CABIN1: variants seen among roughly 807,000 people sequenced by gnomAD.
CABIN1 encodes calcineurin-binding protein cabin-1.
Under a neutral mutation model 227.7 loss-of-function variants are expected in CABIN1, and 133 were observed. The observed-to-expected ratio is 0.58, with a 90% CI of 0.51 to 0.67. CABIN1 has a LOEUF of 0.67. CABIN1 is among the 30% of genes least tolerant of loss of function. The pLI is 0.00. For synonymous variants in CABIN1, 1,086 were observed against 1,155.1 expected (o/e 0.94, Z 1.21); for missense variants, 2,408 against 2,852.5 (o/e 0.84, Z 3.55).
chr22:24,117,886 T>C (rs2043179701), intron 27 of CABIN1, among the ~76,000 whole-genome samples: 1 of 152,234 alleles, frequency 6.6e-6, no homozygotes, highest in South Asian at 2.1e-4. Context: ...GTGAGCCACA[T>C]TTTGAACACA....
chr22:24,020,189 A>AT (rs1377943914), intron 1 of CABIN1, among the ~76,000 whole-genome samples: 1 of 152,104 alleles, frequency 6.6e-6, no homozygotes, highest in African/African-American at 2.4e-5. Context: ...TTTCCTGAGT[A>AT]TTTTTTATTA....
intron 24 of CABIN1, chr22:24,092,133 C>T (rs184785047): frequency 4.5e-4 from 216 of 484,358 alleles, no homozygotes; most frequent in Non-Finnish European, 7.2e-4. Flanking sequence ...TGATGACAGT[C>T]AGTGCTACAT....
intron 29 of CABIN1, among the ~76,000 whole-genome samples, chr22:24,147,467 A>C: frequency 7.2e-6 from 1 of 139,546 alleles, no homozygotes; most frequent in Non-Finnish European, 1.5e-5. Flanking sequence ...TTTTTTTGAG[A>C]CAGGGCTTCA....
At chr22:24,057,972 CT>C (rs1216012852) in intron 10 of CABIN1, among the ~76,000 whole-genome samples, 2 of 152,174 alleles carry the variant, frequency 1.3e-5, no homozygotes, top group African/African-American at 4.8e-5. Context: ...ATGGTTTCGA[CT>C]TTCTTTTTAA....
At chr22:24,173,530 G>C (rs2046947296) in intron 34 of CABIN1, 2 of 152,226 alleles carry the variant, frequency 1.3e-5, no homozygotes, top group Admixed American at 6.5e-5. Context: ...TCAGGACAAA[G>C]AGCCGTAAAA....
At position 24,176,280 on chromosome 22, in the gene CABIN1, G is replaced by A; in HGVS notation, c.6205+5G>A. 2.5e-6 allele frequency: 4 copies of A among 1,594,980 alleles called. No individual in the cohort carries two copies. The highest frequency in any genetic ancestry group is 3.4e-6 in the Non-Finnish European group (4 of 1,173,490). ...CTGAGCCCACCTGCAGCCAGGGTAA[G>A]GCGAGTTGGGAGCAGCCCAGCACCA... On this transcript the variant is annotated splice_donor_5th_base_variant and intron_variant, in intron 35 of 36. Coordinates refer to ENST00000263119, the MANE Select transcript of CABIN1 (RefSeq NM_012295.4).
chr22:24,055,851 C>T (rs886069820), intron 9 of CABIN1, among the ~76,000 whole-genome samples: 2 of 152,166 alleles, frequency 1.3e-5, no homozygotes, highest in African/African-American at 4.8e-5. Flanking sequence ...GGGTCATAGC[C>T]ACTCACTCTG....
At chr22:24,176,913 A>G (rs2148836014) in intron 35 of CABIN1, among the ~76,000 whole-genome samples, 1 of 152,328 alleles carries the variant, frequency 6.6e-6, no homozygotes, top group South Asian at 2.1e-4. Flanking sequence ...TTTTAAAGCC[A>G]TGGGGCTGCA....
At chr22:24,167,404 GC>G (rs2046516571) in intron 32 of CABIN1, 91 bp downstream of exon 32, 1 of 1,293,154 alleles carries the variant, frequency 7.7e-7, no homozygotes, top group Non-Finnish European at 1.1e-6. Flanking sequence ...TCCCAGGCCT[GC>G]CCTTGGGGCG....
intron 1 of CABIN1, among the ~76,000 whole-genome samples, chr22:24,027,520 T>G (rs146579322): frequency 0.01 from 1,540 of 152,364 alleles, 66 homozygotes; most frequent in Admixed American, 0.065. Flanking sequence ...ATGGTTTGAA[T>G]GTATCCCCCA....
chr22:24,157,108 G>A (rs952663975), intron 29 of CABIN1, among the ~76,000 whole-genome samples: 3 of 152,192 alleles, frequency 2.0e-5, no homozygotes, highest in African/African-American at 7.2e-5. Context: ...GGGCGCCCCT[G>A]GTGGCCTGTG....
At chr22:24,111,038 C>T (rs552371281) in intron 26 of CABIN1, among the ~76,000 whole-genome samples, 15 of 152,278 alleles carry the variant, frequency 9.9e-5, no homozygotes, top group Admixed American at 3.3e-4. Flanking sequence ...CTCCGATTAG[C>T]ATGTTGGATC....
At chr22:24,165,727 AG>A in intron 31 of CABIN1, 101 bp downstream of exon 31, 25 of 946,266 alleles carry the variant, frequency 2.6e-5, no homozygotes, top group Non-Finnish European at 3.7e-5. Flanking sequence ...ACCCTTAGGC[AG>A]GATGTGCCTA....
chr22:24,076,408 C>T, intron 19 of CABIN1, 124 bp downstream of exon 19: 2 of 744,780 alleles, frequency 2.7e-6, no homozygotes, highest in Non-Finnish European at 4.8e-6. Context: ...TCAGTGGGCC[C>T]ACTGTGTGTC....
chr22:24,159,647 C>T (rs2046036752), intron 29 of CABIN1, among the ~76,000 whole-genome samples: 1 of 152,190 alleles, frequency 6.6e-6, no homozygotes. Flanking sequence ...CGTGGCATCC[C>T]AGCTGGGCAT....
chr22:24,078,408 G>C (rs920279976), intron 19 of CABIN1, among the ~76,000 whole-genome samples: 1 of 152,208 alleles, frequency 6.6e-6, no homozygotes, highest in African/African-American at 2.4e-5. Context: ...TATGAAGGTT[G>C]AATGCTTCAT....
At chr22:24,017,258 C>T (rs772851561) in intron 1 of CABIN1, among the ~76,000 whole-genome samples, 6 of 151,888 alleles carry the variant, frequency 4.0e-5, no homozygotes, top group African/African-American at 4.8e-5. Context: ...AGGATGGTCT[C>T]CATCTCCTGA....
At chr22:24,110,223 C>T (rs919439892) in intron 26 of CABIN1, among the ~76,000 whole-genome samples, 2 of 152,148 alleles carry the variant, frequency 1.3e-5, no homozygotes, top group Non-Finnish European at 2.9e-5. Context: ...ATTATAGTAT[C>T]ATTTTTTTAA....
intron 34 of CABIN1, 71 bp downstream of exon 34, chr22:24,172,066 G>A: frequency 6.5e-7 from 1 of 1,529,806 alleles, no homozygotes; most frequent in Non-Finnish European, 8.8e-7. Flanking sequence ...CGGGGAGAGT[G>A]TGAGTATGGG....
Sources: allele counts gnomAD v4.1 joint callset (sites outside exome capture counted in the v4.1 genomes callset), GRCh38; gene constraint gnomAD v4.1.1; transcripts MANE v1.5; gene names NCBI Gene and HGNC (gene_info 2026-07-23, HGNC 2026-07-21).